PRPF8: variants seen among roughly 807,000 people sequenced by gnomAD.
The protein encoded by PRPF8 is pre-mRNA-processing-splicing factor 8.
A neutral mutation model predicts 285.9 loss-of-function variants in PRPF8; 64 were observed. The observed-to-expected ratio is 0.22, with a 90% CI of 0.18 to 0.28. PRPF8 has a LOEUF of 0.28. Among genes scored for constraint, PRPF8 ranks in the 10% least tolerant of loss-of-function variants. The probability of loss-of-function intolerance (pLI) is 1.00; values close to 1 mark genes in which losing one functional copy is unlikely to be tolerated. For missense variants in PRPF8, 1,426 were observed against 3,026.7 expected, an observed-to-expected ratio of 0.47 and a Z score of 12.41; for synonymous variants, 1,325 against 1,118.2, an observed-to-expected ratio of 1.18 and a Z score of -3.69.
intron 13 of PRPF8, 64 bp downstream of exon 13, chr17:1,678,454 G>C: frequency 6.2e-7 from 1 of 1,607,022 alleles, no homozygotes; most frequent in Non-Finnish European, 8.5e-7. Flanking sequence ...TTGCACACCA[G>C]CCCAAGAGAC....
intron 2 of PRPF8, 62 bp downstream of exon 2, chr17:1,684,410 C>A: frequency 1.3e-6 from 2 of 1,567,972 alleles, no homozygotes; most frequent in Non-Finnish European, 1.8e-6. Context: ...TCCCCACCCG[C>A]CTGCGCGCGC....
At chr17:1,664,065 C>T (rs1369075286) in intron 24 of PRPF8, among the ~76,000 whole-genome samples, 1 of 152,176 alleles carries the variant, frequency 6.6e-6, no homozygotes, top group Non-Finnish European at 1.5e-5. Context: ...GGGTCTTGCT[C>T]TGTTGCCCAG....
rs971499413 is a variant in PRPF8, at chr17:1,675,530, G to A, written c.2872+90C>T. 32 of 1,555,650 alleles carry A rather than the reference G, an allele frequency of 2.1e-5. No homozygotes were observed. The highest frequency in any genetic ancestry group is 6.7e-5 in the East Asian group (3 of 44,628). On this transcript the variant is annotated intron_variant, in intron 19 of 42. Coordinates refer to ENST00000304992, the MANE Select transcript of PRPF8 (RefSeq NM_006445.4). This position sits in a 1 kb window ranked among gnomAD's most constrained non-coding sequence, Gnocchi z 6.0. ...CCCTTTACTACCACGCATCAAGAGAGTAAACCAATCATGCTACCCAGATGA... is the reference window on the plus strand; with the variant it reads ...CCCTTTACTACCACGCATCAAGAGAATAAACCAATCATGCTACCCAGATGA...
chr17:1,665,953 G>C (rs1207891491), intron 24 of PRPF8, among the ~76,000 whole-genome samples: 1 of 151,164 alleles, frequency 6.6e-6, no homozygotes, highest in African/African-American at 2.4e-5. Context: ...GTGGTGGTCA[G>C]GAGATCGAGA....
chr17:1,681,376 G>T, intron 6 of PRPF8, 102 bp downstream of exon 6: 1 of 1,282,390 alleles, frequency 7.8e-7, no homozygotes, highest in South Asian at 1.2e-5. Flanking sequence ...CACTGCACCT[G>T]GTGTAAACAG....
At chr17:1,683,404 T>G in intron 3 of PRPF8, 129 bp downstream of exon 3, 2 of 1,008,564 alleles carry the variant, frequency 2.0e-6, no homozygotes, top group South Asian at 2.6e-5. Context: ...TATCAGAGAC[T>G]CCTACTGGTT....
In PRPF8 at chr17:1,677,550, G is replaced by A; in HGVS notation, c.1984+15C>T. On this transcript the variant is annotated intron_variant, in intron 14 of 42. Coordinates refer to ENST00000304992, the MANE Select transcript of PRPF8 (RefSeq NM_006445.4). ...GCAATAACAGGAGAAGTTGGACACA[G>A]AGAAAACCACTCACCTTCAAACTGC... 1 of 1,614,014 alleles carries A rather than the reference G, an allele frequency of 6.2e-7. No homozygotes were observed. The highest frequency in any genetic ancestry group is 8.5e-7 in the Non-Finnish European group (1 of 1,179,992).
At chr17:1,654,389 C>T (rs760478018) in intron 37 of PRPF8, 4 of 389,256 alleles carry the variant, frequency 1.0e-5, no homozygotes, top group East Asian at 5.7e-5. Flanking sequence ...TTGGTTGCCA[C>T]GATGACAGGG....
intron 3 of PRPF8, among the ~76,000 whole-genome samples, 179 bp from the exon 4 acceptor site, chr17:1,682,472 G>C (rs1912982437): frequency 1.3e-5 from 2 of 152,110 alleles, no homozygotes; most frequent in African/African-American, 2.4e-5. Flanking sequence ...ACTTCACCTT[G>C]CACCACTCTT....
chr17:1,654,844 G>A, intron 37 of PRPF8: 1 of 169,110 alleles, frequency 5.9e-6, no homozygotes, highest in South Asian at 1.4e-4. Context: ...TGTTGATCAG[G>A]CTGGTTTCAA....
intron 2 of PRPF8, among the ~76,000 whole-genome samples, chr17:1,684,241 T>G: frequency 6.6e-6 from 1 of 152,208 alleles, no homozygotes; most frequent in Non-Finnish European, 1.5e-5. Flanking sequence ...TCTCCCGCTG[T>G]AATTTAAACC....
chr17:1,660,785 C>T lies in PRPF8; in HGVS notation c.4551G>A (p.Lys1517=), dbSNP rs1911641568. ...SGFEESMKWK[K]LTNAQRSGLN... ...GTCCTGATCGCTGAGCATTAGTTAG[C>T]TTCTTCCACTTCATAGATTCCTCAA... The change falls in exon 29 of 43, where the codon AAG becomes AAA. Residue 1517 remains lysine, a synonymous_variant. Transcript: ENST00000304992. The T allele has an allele frequency of 6.2e-7, 1 of 1,613,924 alleles. No individual in the cohort carries two copies. Among genetic ancestry groups the T allele is most frequent in the Non-Finnish European group, 8.5e-7 (1 of 1,180,040 alleles).
At chr17:1,680,608 G>T in intron 8 of PRPF8, 118 bp downstream of exon 8, 1 of 914,716 alleles carries the variant, frequency 1.1e-6, no homozygotes, top group Non-Finnish European at 1.8e-6. Flanking sequence ...ATAGCTCAAG[G>T]GGAACACTTA....
chr17:1,683,136 C>A, intron 3 of PRPF8: 1 of 308,930 alleles, frequency 3.2e-6, no homozygotes, highest in South Asian at 2.8e-5. Flanking sequence ...GCTGGGACTA[C>A]AGACACCTGC....
intron 13 of PRPF8, 173 bp downstream of exon 13, chr17:1,678,345 T>G: frequency 2.2e-5 from 17 of 771,874 alleles, no homozygotes; most frequent in South Asian, 4.8e-5. Flanking sequence ...TTGCCAGGCG[T>G]GGTGGCGGGC....
Position 1,664,433 on chromosome 17 carries a change from A to G in PRPF8, c.3775-2280T>C, listed in dbSNP as rs558832342. Reference sequence around the variant, plus strand: ...ATGTTTGTAAAACACTCAACCTAACAATAGCAGAATACAGATTAACAGATA... The same window carrying G: ...ATGTTTGTAAAACACTCAACCTAACGATAGCAGAATACAGATTAACAGATA... On this transcript the variant is annotated intron_variant, in intron 24 of 42. Coordinates refer to ENST00000304992, the MANE Select transcript of PRPF8 (RefSeq NM_006445.4). Among the ~76,000 whole-genome samples, 13 of 152,296 alleles carry G rather than the reference A, an allele frequency of 8.5e-5. No homozygotes were observed. In the South Asian group the frequency reaches 2.7e-3, roughly 32 times the overall value.
chr17:1,678,407 C>T, intron 13 of PRPF8, 111 bp downstream of exon 13: 2 of 1,385,690 alleles, frequency 1.4e-6, no homozygotes, highest in Non-Finnish European at 2.0e-6. Flanking sequence ...TGCTTGAACT[C>T]AGGAGGCGGA....
chr17:1,676,167 G>C lies in PRPF8; in HGVS notation c.2552+40C>G. The C allele has an allele frequency of 6.2e-7, 1 of 1,612,570 alleles. No homozygotes were observed. Among genetic ancestry groups the C allele is most frequent in the East Asian group, 2.2e-5 (1 of 44,884 alleles). ...TCTGAGGATGACGCCATTCCCTGCT[G>C]TCACCTTCCCAGCAGGAACCTATCT... is the stretch of plus-strand genomic sequence containing the variant. On this transcript the variant is annotated intron_variant, in intron 17 of 42. Coordinates refer to ENST00000304992, the MANE Select transcript of PRPF8 (RefSeq NM_006445.4). This position sits in a 1 kb window ranked among gnomAD's most constrained non-coding sequence, Gnocchi z 6.3.
Position 1,655,492 on chromosome 17 carries a change from G to T in PRPF8, c.5845C>A (p.Arg1949=). 6.2e-7 allele frequency: 1 copy of T among 1,613,990 alleles called. No individual in the cohort carries two copies. ...ILRALHVNND[R]AKVILKPDKT... ...TCTGGCTTCAGGATCACTTTTGCCC[G>T]ATCGTTGTTCACATGTAGGGCACGC... The change falls in exon 37 of 43, where the codon CGG becomes AGG. Residue 1949 remains arginine (R), a synonymous_variant. Coordinates refer to ENST00000304992, the MANE Select transcript of PRPF8 (RefSeq NM_006445.4).
Sources: gnomAD v4.1 joint callset for allele counts (sites outside exome capture counted in the v4.1 genomes callset) on GRCh38, gnomAD v4.1.1 for gene constraint, Gnocchi (gnomAD v3.1) non-coding constraint, MANE v1.5 for transcripts, NCBI Gene and HGNC (gene_info 2026-07-23, HGNC 2026-07-21) for gene names.